The following ABCA13 variants were observed in gnomAD, a reference collection of about 807,000 sequenced individuals.
ABCA13 encodes ATP binding cassette subfamily A member 13, also known as ATP-binding cassette sub-family A member 13.
ABCA13 carries 476 observed loss-of-function variants against 478.7 expected under a neutral mutation model. That is an observed-to-expected ratio of 0.99 (90% CI 0.92 to 1.07). ABCA13 has a LOEUF of 1.07. Among genes scored for constraint, ABCA13 ranks in the 50% least tolerant of loss-of-function variants. The pLI, the probability that ABCA13 is intolerant of heterozygous loss-of-function variation, is 0.00. For missense variants in ABCA13, 6,060 were observed against 5,910.6 expected (o/e 1.03, Z -0.83); for synonymous variants, 2,252 against 2,158.9 (o/e 1.04, Z -1.20).
intron 57 of ABCA13, 43 bp downstream of exon 57, chr7:48,587,331 G>A (rs781695069): frequency 6.5e-7 from 1 of 1,534,350 alleles, no homozygotes; most frequent in African/African-American, 1.4e-5. Flanking sequence ...GATACATATT[G>A]CATATTGATT....
intron 45 of ABCA13, among the ~76,000 whole-genome samples, chr7:48,477,249 G>A (rs1828204294): frequency 2.6e-5 from 4 of 152,122 alleles, no homozygotes; most frequent in Non-Finnish European, 5.9e-5. Flanking sequence ...AACAGGTGCT[G>A]GAGAGGATGT....
intron 53 of ABCA13, 77 bp from the exon 54 acceptor site, chr7:48,524,171 T>C (rs1424949220): frequency 1.5e-6 from 2 of 1,376,858 alleles, no homozygotes; most frequent in Non-Finnish European, 9.8e-7. Context: ...TTTACAAATC[T>C]CTGACCTTTT....
At chr7:48,202,052 C>T (rs113496893) in intron 3 of ABCA13, among the ~76,000 whole-genome samples, 12,125 of 152,096 alleles carry the variant, frequency 0.08, 1,291 homozygotes, top group African/African-American at 0.24. Flanking sequence ...GGAGTGAAGC[C>T]GCAGACCTTT....
intron 27 of ABCA13, among the ~76,000 whole-genome samples, chr7:48,317,871 C>T (rs73697132): frequency 0.039 from 5,930 of 152,160 alleles, 355 homozygotes; most frequent in African/African-American, 0.14. Flanking sequence ...ATTGTTTAAC[C>T]TCTCTAATCT....
intron 55 of ABCA13, among the ~76,000 whole-genome samples, chr7:48,564,427 C>T (rs1268327158): frequency 6.7e-6 from 1 of 148,454 alleles, no homozygotes; most frequent in Non-Finnish European, 1.5e-5. Flanking sequence ...GCTGTAGTTT[C>T]AACTTTTTTT....
chr7:48,619,851 C>T (rs561951503), intron 59 of ABCA13, among the ~76,000 whole-genome samples: 2 of 152,186 alleles, frequency 1.3e-5, no homozygotes, highest in South Asian at 2.1e-4. Context: ...CTCCCCAGAC[C>T]CAGGGCTCTT....
At chr7:48,413,473 G>A (rs1028638222) in intron 41 of ABCA13, among the ~76,000 whole-genome samples, 2 of 152,150 alleles carry the variant, frequency 1.3e-5, no homozygotes, top group African/African-American at 4.8e-5. Context: ...CCCAACCTGA[G>A]GCATGCCTTG....
At chr7:48,490,051 A>G (rs1488680416) in intron 48 of ABCA13, among the ~76,000 whole-genome samples, 1 of 152,148 alleles carries the variant, frequency 6.6e-6, no homozygotes, top group Non-Finnish European at 1.5e-5. Flanking sequence ...ACACTAAACA[A>G]TTTTTCTAAT....
At chr7:48,379,391 A>G (rs905996888) in intron 35 of ABCA13, among the ~76,000 whole-genome samples, 9 of 152,168 alleles carry the variant, frequency 5.9e-5, no homozygotes, top group African/African-American at 2.2e-4. Flanking sequence ...ATTTTATATT[A>G]CCTCCTTTAC....
chr7:48,258,250 T>C (rs751807142), intron 15 of ABCA13, among the ~76,000 whole-genome samples: 3 of 152,188 alleles, frequency 2.0e-5, no homozygotes, highest in Non-Finnish European at 2.9e-5. Context: ...AAATTACTGA[T>C]TCAATTTCAG....
At chr7:48,511,853 A>G (rs1443869775) in intron 51 of ABCA13, among the ~76,000 whole-genome samples, 4 of 152,218 alleles carry the variant, frequency 2.6e-5, no homozygotes, top group African/African-American at 9.6e-5. Flanking sequence ...CTAATTTATT[A>G]TACTTCAAGG....
At chr7:48,387,493 C>T (rs947098204) in intron 35 of ABCA13, among the ~76,000 whole-genome samples, 1 of 152,076 alleles carries the variant, frequency 6.6e-6, no homozygotes, top group African/African-American at 2.4e-5. Flanking sequence ...AATAGAAGGG[C>T]AGTGTGGGGC....
chr7:48,359,978 C>A (rs1810561310), intron 31 of ABCA13, among the ~76,000 whole-genome samples: 1 of 151,984 alleles, frequency 6.6e-6, no homozygotes, highest in Admixed American at 6.5e-5. Flanking sequence ...ATCAGAGTAT[C>A]CCTTTAGAAA....
rs1795259407 is a variant in ABCA13 at position 48,269,113 on chromosome 7, A to G, written c.2120+19A>G. On this transcript the variant is annotated intron_variant, in intron 16 of 61. Coordinates refer to ENST00000435803, the MANE Select transcript of ABCA13 (RefSeq NM_152701.5). Reference sequence around the variant, plus strand: ...TATCCAGGTAAGTTATCAGAATCCAACTTCTAGGTCTTGATTTAATTATCA... The same window carrying G: ...TATCCAGGTAAGTTATCAGAATCCAGCTTCTAGGTCTTGATTTAATTATCA... The G allele has an allele frequency of 1.5e-6, 2 of 1,314,002 alleles. No homozygotes were observed. The highest frequency in any genetic ancestry group is 1.1e-6 in the Non-Finnish European group (1 of 913,666). 81.4% of individuals were successfully genotyped at this position (1,314,002 alleles called of 1,614,324 possible).
At position 48,481,138 on chromosome 7, in the gene ABCA13, C is replaced by T. The variant is rs772940760; in HGVS notation, c.13078C>T (p.Pro4360Ser). ...CAATATGGAGGAGTACTTGCTGGCA[C>T]CATCTGAAAAACCAAGGTGTGTTCA... is the stretch of plus-strand genomic sequence containing the variant. Reference protein sequence around the residue: ...GFNMEEYLLAPSEKPRLGGWS... With the variant: ...GFNMEEYLLASSEKPRLGGWS... Residue 4360 changes from proline to serine, a missense_variant, in exon 46 of 62, where the codon CCA becomes TCA. Around this residue, in one of 3 missense-constraint regions of ABCA13, gnomAD observed 1,627 missense variants for 1,571.0 expected, o/e 1.04. Transcript: ENST00000435803. 3 of 1,585,722 alleles carry T rather than the reference C, an allele frequency of 1.9e-6. No homozygotes were observed. The highest frequency in any genetic ancestry group is 1.8e-5 in the Admixed American group (1 of 56,106).
Position 48,276,175 on chromosome 7 carries a change from G to T in ABCA13, c.6509G>T (p.Gly2170Val). The T allele has an allele frequency of 6.3e-7, 1 of 1,592,126 alleles. No homozygotes were observed. Among genetic ancestry groups the T allele is most frequent in the African/African-American group, 1.3e-5 (1 of 74,146 alleles). ...GCCAAAGCTATTGCTACTTTTTGGG[G>T]CTCTTTAAAAAATATATCTAGAGCA... The part of the protein sequence containing the change: ...LLAKAIATFW[G>V]SLKNISRAGN... The change falls in exon 17 of 62, where the codon GGC (glycine) becomes GTC (valine). Residue 2170 changes from glycine to valine, a missense_variant. Physicochemically the swap from Gly to Val is moderately radical, Grantham distance 109. This residue lies in a region of ABCA13 where 4,423 missense variants were observed against 4,309.1 expected (regional missense o/e 1.03). Transcript: ENST00000435803.
intron 31 of ABCA13, among the ~76,000 whole-genome samples, chr7:48,366,273 T>C (rs1316376277): frequency 6.6e-6 from 1 of 152,134 alleles, no homozygotes; most frequent in East Asian, 1.9e-4. Flanking sequence ...GCAGTCTTCC[T>C]TTAGATACCT....
At chr7:48,287,864 G>A in intron 19 of ABCA13, 96 bp from the exon 20 acceptor site, 1 of 876,852 alleles carries the variant, frequency 1.1e-6, no homozygotes, top group East Asian at 2.4e-5. Context: ...TTAGGAATTT[G>A]TATCACTTTG....
At position 48,281,404 on chromosome 7, in the gene ABCA13, C is replaced by T; in HGVS notation, c.8788C>T (p.Leu2930=). The T allele has an allele frequency of 1.9e-6, 3 of 1,609,362 alleles. No individual in the cohort carries two copies. Among genetic ancestry groups the T allele is most frequent in the Non-Finnish European group, 2.5e-6 (3 of 1,177,910 alleles). The part of the protein sequence containing the change: ...TVKPSEAMEM[L]QKVKMMVVRV... ...GAAGCCCTCAGAAGCCATGGAGATG[C>T]TGCAGAAAGTGAAGATGATGGTCGT... The change falls in exon 19 of 62, where the codon CTG becomes TTG. Residue 2930 remains leucine (L), a synonymous_variant. Coordinates refer to ENST00000435803, the MANE Select transcript of ABCA13 (RefSeq NM_152701.5).
Sources: gnomAD v4.1 joint callset for allele counts (sites outside exome capture counted in the v4.1 genomes callset) on GRCh38, gnomAD v4.1.1 for gene constraint, gnomAD v4.1.1 regional missense constraint, MANE v1.5 for transcripts, NCBI Gene and HGNC (gene_info 2026-07-23, HGNC 2026-07-21) for gene names.